VWA8: variants seen among roughly 807,000 people sequenced by gnomAD.
The protein encoded by VWA8 is von Willebrand factor A domain containing 8.
Under a neutral mutation model 241.5 loss-of-function variants are expected in VWA8, and 221 were observed. That is an observed-to-expected ratio of 0.91 (90% CI 0.82 to 1.02). The LOEUF (loss-of-function observed/expected upper bound fraction) is 1.02. Ranked by LOEUF, VWA8 falls within the 50% of genes least tolerant of loss-of-function variation. The probability of loss-of-function intolerance (pLI) is 0.00; values close to 1 mark genes in which losing one functional copy is unlikely to be tolerated. For missense variants in VWA8, 2,322 were observed against 2,328.7 expected (o/e 1.00, Z 0.06); for synonymous variants, 852 against 827.1 (o/e 1.03, Z -0.52).
chr13:41,897,651 A>G lies in VWA8; in HGVS notation c.484-6064T>C, dbSNP rs147120896. Among the ~76,000 whole-genome samples the G allele has an allele frequency of 4.6e-3, 694 of 152,116 alleles. 6 individuals carry two copies. The highest frequency in any genetic ancestry group is 5.9e-3 in the Non-Finnish European group (403 of 67,978). On this transcript the variant is annotated intron_variant, in intron 4 of 44. Coordinates refer to ENST00000379310, the MANE Select transcript of VWA8 (RefSeq NM_015058.2). ...CCTCGCGGTGTGTGTTACAGCTCTT[A>G]AGGCTGCGCGTCTGGAGTTGTTTGT...
chr13:41,880,367 C>T (rs1874111545), intron 9 of VWA8, among the ~76,000 whole-genome samples: 1 of 152,072 alleles, frequency 6.6e-6, no homozygotes, highest in Non-Finnish European at 1.5e-5. Context: ...TGCCCCTATA[C>T]CCCTAAACAC....
At chr13:41,681,931 C>T (rs12867280) in intron 35 of VWA8, among the ~76,000 whole-genome samples, 2,356 of 152,150 alleles carry the variant, frequency 0.015, 22 homozygotes, top group South Asian at 0.046. Context: ...TGAAAGAAGT[C>T]GGAGAGTTAT....
intron 17 of VWA8, among the ~76,000 whole-genome samples, chr13:41,808,458 G>A (rs1870321531): frequency 6.6e-6 from 1 of 152,132 alleles, no homozygotes; most frequent in Non-Finnish European, 1.5e-5. Context: ...AGGAGAAAGA[G>A]AGAGAGGCAG....
At chr13:41,778,991 G>A (rs901906661) in intron 19 of VWA8, among the ~76,000 whole-genome samples, 6 of 150,452 alleles carry the variant, frequency 4.0e-5, no homozygotes, top group Non-Finnish European at 8.9e-5. Flanking sequence ...ACAGGTGCCT[G>A]CCACCACGCC....
intron 34 of VWA8, among the ~76,000 whole-genome samples, chr13:41,688,831 G>C (rs945456091): frequency 6.6e-6 from 1 of 152,080 alleles, no homozygotes; most frequent in Admixed American, 6.6e-5. Context: ...TGAGGGTGGA[G>C]AGTGGGAGGA....
chr13:41,778,279 G>A (rs117013767), intron 19 of VWA8, among the ~76,000 whole-genome samples: 2,030 of 152,140 alleles, frequency 0.013, 24 homozygotes, highest in Middle Eastern at 0.051. Context: ...GCAAAACTAA[G>A]CAACTGACCA....
intron 40 of VWA8, among the ~76,000 whole-genome samples, chr13:41,595,221 T>C (rs1317442796): frequency 6.6e-6 from 1 of 152,206 alleles, no homozygotes; most frequent in Non-Finnish European, 1.5e-5. Flanking sequence ...TGTGCTGATA[T>C]TGCTTCTTTT....
chr13:41,926,416 CG>C (rs1303268377), intron 2 of VWA8: 1 of 533,102 alleles, frequency 1.9e-6, no homozygotes, highest in East Asian at 4.9e-5. Flanking sequence ...AACATCATCC[CG>C]GGGGAGCTGT....
In VWA8 at chr13:41,615,626, CTTAT is replaced by C. The variant is rs376292184; in HGVS notation, c.4612-546_4612-543del. Among the ~76,000 whole-genome samples, 970 of 152,240 alleles carry C rather than the reference CTTAT, an allele frequency of 6.4e-3. 12 individuals carry two copies. The highest frequency in any genetic ancestry group is 0.022 in the African/African-American group (926 of 41,542). On this transcript the variant is annotated intron_variant, in intron 37 of 44. Coordinates refer to ENST00000379310, the MANE Select transcript of VWA8 (RefSeq NM_015058.2). ...GATTTATGTTATATACTAAAAACTG[CTTAT>C]TTATTTTTTTGACCCACTTCAATTT...
intron 5 of VWA8, among the ~76,000 whole-genome samples, chr13:41,891,154 G>GA (rs1247362390): frequency 1.6e-5 from 2 of 122,444 alleles, no homozygotes; most frequent in African/African-American, 3.1e-5. Flanking sequence ...AAGAGAAGAA[G>GA]AAAAAATAGG....
chr13:41,648,710 C>T lies in VWA8; in HGVS notation c.4611+22236G>A, dbSNP rs149832861. ...CTTTTTCATCTTCTCAGGAGACATA[C>T]AATTATAATTACCTTCATAATAGCA... On this transcript the variant is annotated intron_variant, in intron 37 of 44. Coordinates refer to ENST00000379310, the MANE Select transcript of VWA8 (RefSeq NM_015058.2). Among the ~76,000 whole-genome samples the T allele has an allele frequency of 7.0e-4, 107 of 152,230 alleles. 1 individual carries two copies. The highest frequency in any genetic ancestry group is 2.5e-3 in the African/African-American group (104 of 41,542).
At chr13:41,740,990 C>T (rs900034106) in intron 21 of VWA8, among the ~76,000 whole-genome samples, 4 of 152,194 alleles carry the variant, frequency 2.6e-5, no homozygotes, top group East Asian at 1.9e-4. Flanking sequence ...ACCTTCTCAG[C>T]GAGGCTCTGC....
At position 41,865,985 on chromosome 13, in the gene VWA8, T is replaced by C; in HGVS notation, c.1264A>G (p.Ile422Val). Residue 422 changes from isoleucine to valine, a missense_variant, in exon 11 of 45, where the codon ATA becomes GTA. Ile to Val is a conservative substitution (Grantham distance 29). Coordinates refer to ENST00000379310, the MANE Select transcript of VWA8 (RefSeq NM_015058.2). ...LSQPCASDRF[I>V]QTLSHKQLQA... The stretch of plus-strand genomic sequence containing the variant: ...AGCTGCTTATGGCTCAAAGTCTGTA[T>C]GAAACGGTCTGACGCACAAGGTTGA... The C allele has an allele frequency of 1.2e-6, 2 of 1,614,226 alleles. No individual in the cohort carries two copies. The highest frequency in any genetic ancestry group is 1.7e-6 in the Non-Finnish European group (2 of 1,180,048).
In VWA8 at chr13:41,834,417, C is replaced by T. The variant is rs530013213; in HGVS notation, c.1426-886G>A. On this transcript the variant is annotated intron_variant, in intron 12 of 44. Transcript: ENST00000379310. ...AGTCTTCTGTAAATTCTTGGCTACACACTCCCAACTTTCAGCAGATAGAAA... is the reference window on the plus strand; with the variant it reads ...AGTCTTCTGTAAATTCTTGGCTACATACTCCCAACTTTCAGCAGATAGAAA... 6.4e-4 allele frequency among the ~76,000 whole-genome samples: 98 copies of T among 152,336 alleles called. 1 individual carries two copies. The Middle Eastern group carries it at 0.01, about 16-fold the overall frequency.
At chr13:41,733,031 A>C (rs535736995) in intron 21 of VWA8, among the ~76,000 whole-genome samples, 12 of 152,300 alleles carry the variant, frequency 7.9e-5, no homozygotes, top group African/African-American at 2.9e-4. Flanking sequence ...TATTTTTTCA[A>C]ACTACCCTAC....
At position 41,721,570 on chromosome 13, in the gene VWA8, T is replaced by G; in HGVS notation, c.2764A>C (p.Ile922Leu). Residue 922 changes from isoleucine to leucine, a missense_variant, in exon 25 of 45, where the codon ATT (isoleucine) becomes CTT (leucine). Transcript: ENST00000379310. ...TTATCAACTGCATGGCAGCTAAAAA[T>G]ATCACCTAAAGGAGAGAAAAGATTC... ...GNDFFGTLGD[I>L]FSCHAVDNPK... The G allele has an allele frequency of 6.2e-7, 1 of 1,612,176 alleles. No homozygotes were observed. The highest frequency in any genetic ancestry group is 8.5e-7 in the Non-Finnish European group (1 of 1,179,094).
rs2138179295 is a variant in VWA8 at position 41,960,837 on chromosome 13, G to A, written c.163+16C>T. 1.3e-6 allele frequency: 2 copies of A among 1,515,672 alleles called. No individual in the cohort carries two copies. Among genetic ancestry groups the A allele is most frequent in the South Asian group, 1.2e-5 (1 of 83,020 alleles). The allele number at this position is 1,515,672 out of a possible 1,614,324, so 93.9% of individuals were successfully genotyped here. A position where few individuals can be genotyped will look rare whatever the true frequency, so the allele number is the denominator to read the frequency against. ...CGCAGGGGCACCAGGGAGGACAGGG[G>A]CGCACCCCGAGTTACCTGTGTCGGC... On this transcript the variant is annotated intron_variant, in intron 1 of 44. Transcript: ENST00000379310.
intron 23 of VWA8, among the ~76,000 whole-genome samples, chr13:41,727,722 T>C (rs1267086176): frequency 1.3e-5 from 2 of 152,156 alleles, no homozygotes; most frequent in Non-Finnish European, 2.9e-5. Flanking sequence ...ATCAGTAACC[T>C]CATCCTTTTG....
At chr13:41,761,748 A>T (rs1593753281) in intron 20 of VWA8, among the ~76,000 whole-genome samples, 1 of 152,220 alleles carries the variant, frequency 6.6e-6, no homozygotes, top group Non-Finnish European at 1.5e-5. Flanking sequence ...TGTATTAATA[A>T]AACTCAACTA....
Sources: allele counts gnomAD v4.1 joint callset (sites outside exome capture counted in the v4.1 genomes callset), GRCh38; gene constraint gnomAD v4.1.1; transcripts MANE v1.5; gene names NCBI Gene and HGNC (gene_info 2026-07-23, HGNC 2026-07-21).